Variants in SSBP3 observed in about 807,000 individuals in gnomAD.
SSBP3 encodes single-stranded DNA-binding protein 3.
SSBP3 carries 5 observed loss-of-function variants against 69.6 expected under a neutral mutation model. The observed-to-expected ratio is 0.07, with a 90% CI of 0.04 to 0.15. The LOEUF is 0.15. Among genes scored for constraint, SSBP3 ranks in the 10% least tolerant of loss-of-function variants. The pLI is 1.00. For synonymous variants in SSBP3, 196 were observed against 193.4 expected (o/e 1.01, Z -0.11); for missense variants, 312 against 534.0 (o/e 0.58, Z 4.10).
chr1:54,313,250 AAAG>A (rs1167270700), intron 4 of SSBP3, among the ~76,000 whole-genome samples: 2 of 152,062 alleles, frequency 1.3e-5, no homozygotes, highest in South Asian at 2.1e-4. Flanking sequence ...TTTGTTCTCC[AAAG>A]AAGAACCTGG....
At chr1:54,381,737 A>T (rs1262047393) in intron 4 of SSBP3, among the ~76,000 whole-genome samples, 1 of 152,232 alleles carries the variant, frequency 6.6e-6, no homozygotes, top group Non-Finnish European at 1.5e-5. Context: ...TCCAAGCAAC[A>T]AGTCCAAAAA....
At chr1:54,352,619 C>T (rs951781172) in intron 4 of SSBP3, among the ~76,000 whole-genome samples, 1 of 152,134 alleles carries the variant, frequency 6.6e-6, no homozygotes, top group Non-Finnish European at 1.5e-5. Context: ...GCGGGATGGC[C>T]GTCATCTCAT....
At chr1:54,319,860 T>A (rs1646182693) in intron 4 of SSBP3, among the ~76,000 whole-genome samples, 1 of 152,174 alleles carries the variant, frequency 6.6e-6, no homozygotes, top group Non-Finnish European at 1.5e-5. Context: ...AGGACGCAGG[T>A]GGCCTGGGAA....
At chr1:54,280,834 C>G (rs1167117785) in intron 5 of SSBP3, among the ~76,000 whole-genome samples, 1 of 152,138 alleles carries the variant, frequency 6.6e-6, no homozygotes, top group Non-Finnish European at 1.5e-5. Flanking sequence ...GCCAGACTCT[C>G]GACCCACGTG....
intron 4 of SSBP3, among the ~76,000 whole-genome samples, chr1:54,374,143 TAGG>T (rs1647178899): frequency 6.6e-6 from 1 of 152,178 alleles, no homozygotes; most frequent in Admixed American, 6.5e-5. Context: ...GCAGCTTTCT[TAGG>T]AGAAGTTAGG....
Position 54,376,229 on chromosome 1 carries a change from G to A in SSBP3, c.276+25632C>T, listed in dbSNP as rs187740638. ...GTGTGTTTGTCTCACACACCTCTAA[G>A]AGGTATAGTGGCCCTGAGGCCTTGC... On this transcript the variant is annotated intron_variant, in intron 4 of 17. Coordinates refer to ENST00000610401, the Ensembl canonical transcript of SSBP3. 2.0e-3 allele frequency among the ~76,000 whole-genome samples: 304 copies of A among 152,098 alleles called. 16 individuals are homozygous for A. In the South Asian group the frequency reaches 0.041, roughly 20 times the overall value.
intron 4 of SSBP3, among the ~76,000 whole-genome samples, chr1:54,292,540 G>A (rs374388781): frequency 2.0e-5 from 3 of 152,074 alleles, no homozygotes; most frequent in Non-Finnish European, 2.9e-5. Flanking sequence ...TGTTGTGAGC[G>A]AGGCCCTGCA....
intron 4 of SSBP3, among the ~76,000 whole-genome samples, chr1:54,371,635 G>C (rs1200163528): frequency 6.6e-6 from 1 of 152,204 alleles, no homozygotes; most frequent in Non-Finnish European, 1.5e-5. Flanking sequence ...GGACTGATGA[G>C]AGGACCATCA....
Position 54,405,913 on chromosome 1 carries a change from C to T in SSBP3, c.56+40G>A, listed in dbSNP as rs1175223959. 2.4e-6 allele frequency: 3 copies of T among 1,257,172 alleles called. No individual in the cohort carries two copies. The Admixed American group carries it at 8.5e-5, about 36-fold the overall frequency. The allele number at this position is 1,257,172 out of a possible 1,614,324, so 77.9% of individuals were successfully genotyped here. On this transcript the variant is annotated intron_variant, in intron 1 of 17. Coordinates refer to ENST00000610401, the Ensembl canonical transcript of SSBP3. The stretch of plus-strand genomic sequence containing the variant: ...CTCCCACCGCCCGCCCGCCCGCAGC[C>T]CGGCGGCGGCGCGGCCGCCACTTGC...
chr1:54,379,746 G>A (rs1647469105), intron 4 of SSBP3, among the ~76,000 whole-genome samples: 1 of 152,110 alleles, frequency 6.6e-6, no homozygotes, highest in African/African-American at 2.4e-5. Flanking sequence ...CCCACTCCTT[G>A]CCCGAGCCAA....
At chr1:54,298,126 G>A (rs963469813) in intron 4 of SSBP3, among the ~76,000 whole-genome samples, 12 of 152,150 alleles carry the variant, frequency 7.9e-5, no homozygotes, top group Non-Finnish European at 1.5e-4. Flanking sequence ...ACAGGTATGG[G>A]CCCAGATTTA....
At chr1:54,292,687 C>T (rs146016941) in intron 4 of SSBP3, among the ~76,000 whole-genome samples, 1 of 152,246 alleles carries the variant, frequency 6.6e-6, no homozygotes, top group East Asian at 1.9e-4. Context: ...TCTGAACAAA[C>T]GAGAGGGAGT....
At position 54,401,949 on chromosome 1, in the gene SSBP3, C is replaced by G. The variant is rs531315357; in HGVS notation, c.192-4G>C. ...ACAGTAAAGGTCCCAAAATACACTGCGAGGAGGAAAATAAAATAAGGTCAG... is the reference window on the plus strand; with the variant it reads ...ACAGTAAAGGTCCCAAAATACACTGGGAGGAGGAAAATAAAATAAGGTCAG... On this transcript the variant is annotated splice_region_variant and splice_polypyrimidine_tract_variant and intron_variant, in intron 3 of 17. Transcript: ENST00000610401. The G allele has an allele frequency of 5.6e-6, 9 of 1,612,650 alleles. No individual in the cohort carries two copies. Among genetic ancestry groups the G allele is most frequent in the South Asian group, 1.1e-5 (1 of 90,968 alleles).
At chr1:54,321,082 CA>C (rs1569797560) in intron 4 of SSBP3, among the ~76,000 whole-genome samples, 2 of 152,130 alleles carry the variant, frequency 1.3e-5, no homozygotes, top group Admixed American at 1.3e-4. Context: ...ATGGTATAGC[CA>C]AGAACTCCCA....
rs56074243 is a variant in SSBP3, at chr1:54,404,941, G to A, written c.57-11C>T. ...ACGTATAAAGCTAACCTGGAAAGTGGACAGGGGGCAAAGAGAGAGAGGGAA... is the reference window on the plus strand; with the variant it reads ...ACGTATAAAGCTAACCTGGAAAGTGAACAGGGGGCAAAGAGAGAGAGGGAA... On this transcript the variant is annotated splice_polypyrimidine_tract_variant and intron_variant, in intron 1 of 17. Transcript: ENST00000610401. 5 of 1,611,170 alleles carry A rather than the reference G, an allele frequency of 3.1e-6. No homozygotes were observed. Among genetic ancestry groups the A allele is most frequent in the Admixed American group, 1.7e-5 (1 of 59,956 alleles).
intron 4 of SSBP3, among the ~76,000 whole-genome samples, chr1:54,330,909 G>A (rs1431664387): frequency 6.6e-6 from 1 of 152,184 alleles, no homozygotes; most frequent in Non-Finnish European, 1.5e-5. Flanking sequence ...AGGGAGCAGG[G>A]ATCCCCCAAT....
chr1:54,299,903 A>G (rs1326302367), intron 4 of SSBP3, among the ~76,000 whole-genome samples: 1 of 152,126 alleles, frequency 6.6e-6, no homozygotes, highest in African/African-American at 2.4e-5. Context: ...ACCAACCCTC[A>G]TTCCCAGCTC....
At chr1:54,309,445 A>G (rs1187575074) in intron 4 of SSBP3, among the ~76,000 whole-genome samples, 1 of 152,244 alleles carries the variant, frequency 6.6e-6, no homozygotes, top group African/African-American at 2.4e-5. Context: ...AGCAAAGGGA[A>G]ATGAAGCTGG....
At chr1:54,253,097 T>C (rs687050) in intron 7 of SSBP3, among the ~76,000 whole-genome samples, 87,518 of 151,560 alleles carry the variant, frequency 0.58, 25,592 homozygotes, top group South Asian at 0.74. Context: ...CGGGTATGTG[T>C]GGTTAAGGTA....
Sources: gnomAD v4.1 joint callset for allele counts (sites outside exome capture counted in the v4.1 genomes callset) on GRCh38, gnomAD v4.1.1 for gene constraint, MANE v1.5 for transcripts, NCBI Gene and HGNC (gene_info 2026-07-23, HGNC 2026-07-21) for gene names.